Variants in ARHGAP28 observed in about 807,000 individuals in gnomAD.
ARHGAP28 encodes the protein rho GTPase-activating protein 28.
Under a neutral mutation model 90.7 loss-of-function variants are expected in ARHGAP28, and 56 were observed. The ratio of observed to expected loss-of-function variants is 0.62; its 90% CI spans 0.50 to 0.77. The LOEUF is 0.77. Among genes scored for constraint, ARHGAP28 ranks in the 30% least tolerant of loss-of-function variants. The pLI is 0.00. For missense variants in ARHGAP28, 869 were observed against 900.9 expected, an observed-to-expected ratio of 0.96 and a Z score of 0.45; for synonymous variants, 308 against 323.3, an observed-to-expected ratio of 0.95 and a Z score of 0.51.
chr18:6,908,107 TATA>T (rs1353530164), intron 16 of ARHGAP28, among the ~76,000 whole-genome samples: 12 of 149,892 alleles, frequency 8.0e-5, no homozygotes, highest in Non-Finnish European at 1.2e-4. Context: ...TATTTTATTT[TATA>T]GTTTATTTTA....
At chr18:6,813,633 T>C (rs1486185687) in intron 1 of ARHGAP28, among the ~76,000 whole-genome samples, 4 of 152,160 alleles carry the variant, frequency 2.6e-5, no homozygotes, top group African/African-American at 7.2e-5. Context: ...AAGGATAATC[T>C]CTACTATAAA....
At chr18:6,750,386 C>T (rs938368072) in intron 1 of ARHGAP28, among the ~76,000 whole-genome samples, 1 of 152,210 alleles carries the variant, frequency 6.6e-6, no homozygotes, top group Non-Finnish European at 1.5e-5. Flanking sequence ...AGCCATCACA[C>T]TCTGTTCCCT....
chr18:6,753,454 G>A (rs2056085853), intron 1 of ARHGAP28, among the ~76,000 whole-genome samples: 2 of 152,130 alleles, frequency 1.3e-5, no homozygotes, highest in African/African-American at 4.8e-5. Flanking sequence ...TGCTATCTGT[G>A]TGTGTGTGAT....
intron 4 of ARHGAP28, among the ~76,000 whole-genome samples, chr18:6,852,371 G>A (rs1178854237): frequency 6.6e-6 from 1 of 152,140 alleles, no homozygotes. Context: ...TATTGAAAAT[G>A]TAAAATAATC....
intron 4 of ARHGAP28, among the ~76,000 whole-genome samples, chr18:6,856,925 T>C (rs1019675223): frequency 2.6e-5 from 4 of 152,240 alleles, no homozygotes; most frequent in East Asian, 1.9e-4. Context: ...ATTTGTTGTA[T>C]GTTTTAAAAA....
chr18:6,882,167 A>C lies in ARHGAP28; in HGVS notation c.1321A>C (p.Asn441His). The C allele has an allele frequency of 1.9e-6, 3 of 1,613,922 alleles. No individual in the cohort carries two copies. The highest frequency in any genetic ancestry group is 2.5e-6 in the Non-Finnish European group (3 of 1,179,916). The part of the protein sequence containing the change: ...QYREELDAKF[N>H]ADKFKWDKMC... ...CCGTGAAGAACTTGATGCCAAGTTTAATGCTGATAAATTTAAATGGGACAA... is the reference window on the plus strand; with the variant it reads ...CCGTGAAGAACTTGATGCCAAGTTTCATGCTGATAAATTTAAATGGGACAA... The change falls in exon 11 of 18, where the codon AAT (asparagine) becomes CAT (histidine). Residue 441 changes from asparagine to histidine, a missense_variant. Asn to His is a moderately conservative substitution (Grantham distance 68, BLOSUM62 1). Transcript: ENST00000383472.
intron 1 of ARHGAP28, among the ~76,000 whole-genome samples, chr18:6,819,537 C>G (rs760540226): frequency 6.6e-6 from 1 of 152,044 alleles, no homozygotes; most frequent in South Asian, 2.1e-4. Context: ...GGGACTCTAC[C>G]GGGATGAGGA....
rs1361104546 is a variant in ARHGAP28 at position 6,729,773 on chromosome 18, G to A, written c.-49G>A. On this transcript the variant is annotated 5_prime_UTR_variant, in exon 1 of 18. Coordinates refer to ENST00000383472, the MANE Select transcript of ARHGAP28 (RefSeq NM_001366230.1). Reference sequence around the variant, plus strand: ...GCCTCCCGGCGCGCCGGTCCATGCTGGTCCCGGTCTTTGTTCTGGGGCCGG... The same window carrying A: ...GCCTCCCGGCGCGCCGGTCCATGCTAGTCCCGGTCTTTGTTCTGGGGCCGG... 8 of 1,346,072 alleles carry A rather than the reference G, an allele frequency of 5.9e-6. 1 individual carries two copies. In the South Asian group the frequency reaches 1.3e-4, roughly 22 times the overall value. The allele number at this position is 1,346,072 out of a possible 1,614,324, so 83.4% of individuals were successfully genotyped here.
chr18:6,892,395 G>T (rs368472518), intron 14 of ARHGAP28, among the ~76,000 whole-genome samples: 1 of 151,594 alleles, frequency 6.6e-6, no homozygotes, highest in African/African-American at 2.4e-5. Flanking sequence ...CAGGTGATCC[G>T]CCCGCCTCTG....
intron 1 of ARHGAP28, among the ~76,000 whole-genome samples, chr18:6,816,842 C>T (rs1035111778): frequency 6.6e-6 from 1 of 151,904 alleles, no homozygotes; most frequent in Non-Finnish European, 1.5e-5. Context: ...AATCCCAGCA[C>T]TTTGGGAGGC....
At chr18:6,742,886 G>A (rs2055991287) in intron 1 of ARHGAP28, among the ~76,000 whole-genome samples, 1 of 152,184 alleles carries the variant, frequency 6.6e-6, no homozygotes, top group Admixed American at 6.5e-5. Context: ...AGCAGGCTCA[G>A]AATGATCAGA....
rs139542233 is a variant in ARHGAP28, at chr18:6,890,474, C to T, written c.1779C>T (p.Ala593=). The T allele has an allele frequency of 3.1e-5, 50 of 1,613,438 alleles. No individual in the cohort carries two copies. In the African/African-American group the frequency reaches 6.4e-4, roughly 21 times the overall value. ...CTCAAGTAAGAAGAATGAATGAAGCCACGATGCTATTGAAGAAGCAGCTCC... is the reference window on the plus strand; with the variant it reads ...CTCAAGTAAGAAGAATGAATGAAGCTACGATGCTATTGAAGAAGCAGCTCC... ...LITQVRRMNE[A]TMLLKKQLPS... The change falls in exon 14 of 18, where the codon GCC becomes GCT. Residue 593 remains alanine (A), a synonymous_variant. Transcript: ENST00000383472.
At chr18:6,831,067 G>A (rs930048592) in intron 2 of ARHGAP28, among the ~76,000 whole-genome samples, 2 of 152,154 alleles carry the variant, frequency 1.3e-5, no homozygotes, top group African/African-American at 4.8e-5. Context: ...ATGACAGACA[G>A]TTCCATTTCC....
At position 6,824,747 on chromosome 18, in the gene ARHGAP28, T is replaced by C. The variant is rs1057308704; in HGVS notation, c.123-15T>C. On this transcript the variant is annotated splice_polypyrimidine_tract_variant and intron_variant, in intron 1 of 17. Transcript: ENST00000383472. ...TATAACCCGTTTTTATTCATAGATA[T>C]TATTCTTTCCTCAGAAAATCCATTC... 5.9e-6 allele frequency: 9 copies of C among 1,526,812 alleles called. No homozygotes were observed. The highest frequency in any genetic ancestry group is 1.2e-5 in the South Asian group (1 of 81,952). The allele number at this position is 1,526,812 out of a possible 1,614,324, so 94.6% of individuals were successfully genotyped here. A position where few individuals can be genotyped will look rare whatever the true frequency, so the allele number is the denominator to read the frequency against.
chr18:6,870,158 A>G (rs925196595), intron 6 of ARHGAP28, among the ~76,000 whole-genome samples: 1 of 152,348 alleles, frequency 6.6e-6, no homozygotes, highest in Admixed American at 6.5e-5. Context: ...CAGGAGTCAA[A>G]GCAGAGAGGA....
At chr18:6,766,818 C>T (rs1407478016) in intron 1 of ARHGAP28, among the ~76,000 whole-genome samples, 1 of 152,196 alleles carries the variant, frequency 6.6e-6, no homozygotes, top group East Asian at 1.9e-4. Context: ...TTGACAACTG[C>T]TTCATGCAGG....
chr18:6,819,116 T>C (rs2056610283), intron 1 of ARHGAP28, among the ~76,000 whole-genome samples: 1 of 152,218 alleles, frequency 6.6e-6, no homozygotes, highest in African/African-American at 2.4e-5. Context: ...CCATAGAGTA[T>C]TTCATAGTAA....
chr18:6,850,890 T>TCACTTAC (rs1445402181), intron 3 of ARHGAP28, 144 bp from the exon 4 acceptor site: 3 of 1,535,788 alleles, frequency 2.0e-6, no homozygotes, highest in Non-Finnish European at 2.6e-6. Context: ...AGTGCTGTTA[T>TCACTTAC]CAATGCCCAG....
intron 1 of ARHGAP28, among the ~76,000 whole-genome samples, chr18:6,743,410 A>C (rs1323083798): frequency 6.6e-6 from 1 of 152,140 alleles, no homozygotes; most frequent in East Asian, 1.9e-4. Context: ...TGGCACTTAG[A>C]AGAGTCTTAA....
Sources: gnomAD v4.1 joint callset for allele counts (sites outside exome capture counted in the v4.1 genomes callset) on GRCh38, gnomAD v4.1.1 for gene constraint, MANE v1.5 for transcripts, NCBI Gene and HGNC (gene_info 2026-07-23, HGNC 2026-07-21) for gene names.